Variants in SDC2 observed in about 807,000 individuals in gnomAD.
SDC2 encodes syndecan 2.
In SDC2, 13 loss-of-function variants were observed where a neutral mutation model predicts 22.2. The ratio of observed to expected loss-of-function variants is 0.59; its 90% CI spans 0.38 to 0.93. SDC2 has a LOEUF of 0.93. Ranked by LOEUF, SDC2 falls within the 40% of genes least tolerant of loss-of-function variation. SDC2 has a pLI of 0.00. For synonymous variants in SDC2, 94 were observed against 92.8 expected (o/e 1.01, Z -0.07); for missense variants, 235 against 246.8 (o/e 0.95, Z 0.32).
intron 1 of SDC2, among the ~76,000 whole-genome samples, chr8:96,556,262 A>G (rs1482360456): frequency 6.6e-6 from 1 of 152,076 alleles, no homozygotes; most frequent in Non-Finnish European, 1.5e-5. Context: ...TTTATCAGAG[A>G]ATGAAACGAA....
At chr8:96,498,354 T>G (rs923925648) in intron 1 of SDC2, among the ~76,000 whole-genome samples, 3 of 152,144 alleles carry the variant, frequency 2.0e-5, no homozygotes, top group African/African-American at 7.2e-5. Flanking sequence ...CCCTGGCCCA[T>G]GGGAACCTGC....
At chr8:96,521,624 C>T (rs1026543195) in intron 1 of SDC2, among the ~76,000 whole-genome samples, 5 of 152,146 alleles carry the variant, frequency 3.3e-5, no homozygotes, top group Admixed American at 1.3e-4. Context: ...AAAAATATGT[C>T]TATTTAGAGT....
At chr8:96,600,398 T>G (rs1020068184) in intron 2 of SDC2, among the ~76,000 whole-genome samples, 1 of 152,240 alleles carries the variant, frequency 6.6e-6, no homozygotes, top group Non-Finnish European at 1.5e-5. Flanking sequence ...TATTTGAATG[T>G]CAGAAATTCT....
intron 1 of SDC2, among the ~76,000 whole-genome samples, chr8:96,553,557 A>C (rs1048418637): frequency 6.6e-6 from 1 of 152,014 alleles, no homozygotes; most frequent in African/African-American, 2.4e-5. Flanking sequence ...AGCTAAACTT[A>C]TACCAACACT....
At chr8:96,545,652 G>T (rs577863177) in intron 1 of SDC2, among the ~76,000 whole-genome samples, 3 of 152,084 alleles carry the variant, frequency 2.0e-5, no homozygotes, top group Admixed American at 6.6e-5. Context: ...TCAAACTGTG[G>T]GTACATTAGA....
At chr8:96,558,709 G>T (rs1367533381) in intron 1 of SDC2, among the ~76,000 whole-genome samples, 1 of 152,100 alleles carries the variant, frequency 6.6e-6, no homozygotes. Flanking sequence ...CCAAAGAGGG[G>T]AATATAAGGG....
intron 1 of SDC2, among the ~76,000 whole-genome samples, chr8:96,526,867 C>T (rs1001853078): frequency 3.9e-5 from 6 of 152,046 alleles, no homozygotes; most frequent in Non-Finnish European, 5.9e-5. Context: ...AGGGGAGGCT[C>T]GGACCTGCAG....
At chr8:96,512,224 G>A (rs1813339698) in intron 1 of SDC2, among the ~76,000 whole-genome samples, 2 of 152,190 alleles carry the variant, frequency 1.3e-5, no homozygotes, top group South Asian at 2.1e-4. Context: ...GGGTGGCCAC[G>A]TGCCCAACTA....
chr8:96,591,915 A>T (rs1814787987), intron 1 of SDC2, among the ~76,000 whole-genome samples: 1 of 152,186 alleles, frequency 6.6e-6, no homozygotes, highest in African/African-American at 2.4e-5. Flanking sequence ...GAGGCAGTTG[A>T]TGATAGAGCT....
intron 1 of SDC2, among the ~76,000 whole-genome samples, chr8:96,496,911 G>A (rs191857107): frequency 8.4e-4 from 128 of 152,332 alleles, no homozygotes; most frequent in African/African-American, 3.0e-3. Flanking sequence ...TGGCAGGTTA[G>A]GACTTTGGCT....
chr8:96,525,180 C>T (rs1813558641), intron 1 of SDC2, among the ~76,000 whole-genome samples: 1 of 152,176 alleles, frequency 6.6e-6, no homozygotes, highest in Non-Finnish European at 1.5e-5. Context: ...CTGTCCGTTC[C>T]CACTCTGTGA....
At position 96,545,530 on chromosome 8, in the gene SDC2, T is replaced by C. The variant is rs571756418; in HGVS notation, c.61-47950T>C. 2.0e-5 allele frequency among the ~76,000 whole-genome samples: 3 copies of C among 151,980 alleles called. No individual in the cohort carries two copies. In the East Asian group the frequency reaches 5.8e-4, roughly 29 times the overall value. On this transcript the variant is annotated intron_variant, in intron 1 of 4. Coordinates refer to ENST00000302190, the MANE Select transcript of SDC2 (RefSeq NM_002998.4). ...AGAGGAGATGATTTCCTTGTGGAGG[T>C]AAGAAATGGAGCAAAGTCTAAGGTG... is the stretch of plus-strand genomic sequence containing the variant.
intron 1 of SDC2, among the ~76,000 whole-genome samples, chr8:96,560,714 A>G (rs768467595): frequency 2.0e-5 from 3 of 151,926 alleles, no homozygotes; most frequent in East Asian, 1.9e-4. Flanking sequence ...AGCTATGTAC[A>G]TATACTTGAT....
In SDC2 at chr8:96,534,052, G is replaced by A. The variant is rs191046162; in HGVS notation, c.60+39721G>A. 3.7e-3 allele frequency among the ~76,000 whole-genome samples: 563 copies of A among 152,340 alleles called. 23 individuals are homozygous for A. Among genetic ancestry groups the A allele is most frequent in the Admixed American group, 0.034 (516 of 15,312 alleles). ...GCACCCTCCGCTGCTGCTGGCCCGG[G>A]TGTTAAGCCCCTCACTGCCCGGGGC... On this transcript the variant is annotated intron_variant, in intron 1 of 4. Coordinates refer to ENST00000302190, the MANE Select transcript of SDC2 (RefSeq NM_002998.4).
chr8:96,569,126 G>A (rs1320865345), intron 1 of SDC2, among the ~76,000 whole-genome samples: 1 of 152,138 alleles, frequency 6.6e-6, no homozygotes, highest in Non-Finnish European at 1.5e-5. Context: ...CCTCCTCTCA[G>A]CCTCCCGAGT....
intron 1 of SDC2, among the ~76,000 whole-genome samples, chr8:96,570,010 C>G (rs539466996): frequency 1.3e-5 from 2 of 152,112 alleles, no homozygotes; most frequent in African/African-American, 4.8e-5. Context: ...AAAATATATT[C>G]GTGTGATTTG....
rs535566392 is a variant in SDC2 at position 96,526,689 on chromosome 8, C to T, written c.60+32358C>T. The stretch of plus-strand genomic sequence containing the variant: ...TTTTTTTTTGGACAGTTTTTAAGGG[C>T]CTTCATAAATACTTGGTGTACTCCT... On this transcript the variant is annotated intron_variant, in intron 1 of 4. Coordinates refer to ENST00000302190, the MANE Select transcript of SDC2 (RefSeq NM_002998.4). Among the ~76,000 whole-genome samples, 13 of 151,398 alleles carry T rather than the reference C, an allele frequency of 8.6e-5. No individual in the cohort carries two copies. The East Asian group carries it at 1.9e-3, about 23-fold the overall frequency.
intron 1 of SDC2, among the ~76,000 whole-genome samples, chr8:96,521,171 A>G (rs994773231): frequency 2.6e-5 from 4 of 152,162 alleles, no homozygotes; most frequent in African/African-American, 9.7e-5. Context: ...TATAAATAAT[A>G]TGTTGTGTAT....
intron 1 of SDC2, among the ~76,000 whole-genome samples, chr8:96,552,255 A>G (rs961403559): frequency 6.6e-6 from 1 of 152,194 alleles, no homozygotes; most frequent in East Asian, 1.9e-4. Context: ...TTTTACTCTG[A>G]GCTCCATCTT....
Sources: allele counts gnomAD v4.1 joint callset (sites outside exome capture counted in the v4.1 genomes callset), GRCh38; gene constraint gnomAD v4.1.1; transcripts MANE v1.5; gene names NCBI Gene and HGNC (gene_info 2026-07-23, HGNC 2026-07-21).